ADORA2A: variants seen among roughly 807,000 people sequenced by gnomAD.
ADORA2A encodes the protein adenosine A2a receptor, also known as adenosine receptor A2a.
ADORA2A carries 11 observed loss-of-function variants against 18.4 expected under a neutral mutation model. The observed-to-expected ratio is 0.60, with a 90% confidence interval of 0.38 to 0.99. ADORA2A has a LOEUF of 0.99. ADORA2A is among the 50% of genes least tolerant of loss of function. The pLI, the probability that ADORA2A is intolerant of heterozygous loss-of-function variation, is 0.01. For synonymous variants in ADORA2A, 218 were observed against 237.3 expected (o/e 0.92, Z 0.75); for missense variants, 449 against 556.1 (o/e 0.81, Z 1.94).
In ADORA2A at chr22:24,433,249, G is replaced by A; in HGVS notation, c.-156G>A. Reference sequence around the variant, plus strand: ...GAAAAAGCCCTTGGAGAGCGCCCCAGCAGGGCTGCACTTGGCTCCTGTGAG... The same window carrying A: ...GAAAAAGCCCTTGGAGAGCGCCCCAACAGGGCTGCACTTGGCTCCTGTGAG... On this transcript the variant is annotated 5_prime_UTR_variant, in exon 2 of 3. Coordinates refer to ENST00000337539, the MANE Select transcript of ADORA2A (RefSeq NM_000675.6). 1 of 688,356 alleles carries A rather than the reference G, an allele frequency of 1.5e-6. No individual in the cohort carries two copies. The highest frequency in any genetic ancestry group is 1.9e-5 in the South Asian group (1 of 52,716). The allele number at this position is 688,356 out of a possible 1,614,324, so 42.6% of individuals were successfully genotyped here.
intron 2 of ADORA2A, among the ~76,000 whole-genome samples, chr22:24,440,184 C>T (rs1005635688): frequency 1.3e-5 from 2 of 152,160 alleles, no homozygotes; most frequent in African/African-American, 4.8e-5. Flanking sequence ...AAGGCTGCGA[C>T]CAACATGGAG....
upstream of ADORA2A, among the ~76,000 whole-genome samples, chr22:24,424,949 G>A (rs2042901428): frequency 6.6e-6 from 1 of 152,114 alleles, no homozygotes; most frequent in South Asian, 2.1e-4. This position sits in a 1 kb window ranked among gnomAD's most constrained non-coding sequence, Gnocchi z 4.9. Context: ...GGGAGTCGGG[G>A]CCCTGCAAAG....
Position 24,440,926 on chromosome 22 carries a change from CAGA to C in ADORA2A, c.679_681del (p.Lys227del). On this transcript the variant is annotated inframe_deletion, in exon 3 of 3. Coordinates refer to ENST00000337539, the MANE Select transcript of ADORA2A (RefSeq NM_000675.6). ...GGGGGAGCGGGCACGGTCCACACTG[CAGA>C]AGGAGGTCCATGCTGCCAAGTCACT... 6.2e-7 allele frequency: 1 copy of C among 1,614,186 alleles called. No homozygotes were observed. The highest frequency in any genetic ancestry group is 8.5e-7 in the Non-Finnish European group (1 of 1,180,050).
At chr22:24,428,810 C>A (rs766100187) in intron 1 of ADORA2A, among the ~76,000 whole-genome samples, 1 of 152,200 alleles carries the variant, frequency 6.6e-6, no homozygotes, top group Non-Finnish European at 1.5e-5. Context: ...CCAGGAATGT[C>A]CTGGGTCCTT....
chr22:24,431,289 G>A (rs559759302), intron 1 of ADORA2A: 1 of 456,882 alleles, frequency 2.2e-6, no homozygotes, highest in Admixed American at 2.3e-5. Flanking sequence ...CTGCTTCTGT[G>A]TCAATGCTCC....
intron 1 of ADORA2A, chr22:24,429,631 T>C (rs770626849): frequency 6.6e-6 from 1 of 152,202 alleles, no homozygotes; most frequent in South Asian, 2.1e-4. Context: ...GTGCTCTCTG[T>C]GCGCACGGCC....
rs2043344435 is a variant in ADORA2A at position 24,441,546 on chromosome 22, C to T, written c.*57C>T. The T allele has an allele frequency of 1.4e-6, 2 of 1,442,820 alleles. No individual in the cohort carries two copies. Among genetic ancestry groups the T allele is most frequent in the Non-Finnish European group, 9.1e-7 (1 of 1,095,804 alleles). 89.4% of individuals were successfully genotyped at this position (1,442,820 alleles called of 1,614,324 possible). A position where few individuals can be genotyped will look rare whatever the true frequency, so the allele number is the denominator to read the frequency against. On this transcript the variant is annotated 3_prime_UTR_variant, in exon 3 of 3. Transcript: ENST00000337539. ...AGGAGATCTTTATCTTTCTGGTTGG[C>T]TTGACCAGTCACGTTGGGAGAAGAG...
At chr22:24,429,426 A>T (rs1313897531) in intron 1 of ADORA2A, 1 of 152,248 alleles carries the variant, frequency 6.6e-6, no homozygotes, top group Non-Finnish European at 1.5e-5. Flanking sequence ...GAAGTATTAC[A>T]TTATTAATAT....
chr22:24,440,842 T>C lies in ADORA2A; in HGVS notation c.592T>C (p.Leu198=), dbSNP rs1409917906. 6 of 1,614,074 alleles carry C rather than the reference T, an allele frequency of 3.7e-6. No individual in the cohort carries two copies. The highest frequency in any genetic ancestry group is 2.2e-5 in the East Asian group (1 of 44,896). ...CCTGCTGCTCATGCTGGGTGTCTAT[T>C]TGCGGATCTTCCTGGCGGCGCGACG... is the stretch of plus-strand genomic sequence containing the variant. ...VPLLLMLGVY[L]RIFLAARRQL... The change falls in exon 3 of 3, where the codon TTG becomes CTG. Residue 198 remains leucine, a synonymous_variant. Coordinates refer to ENST00000337539, the MANE Select transcript of ADORA2A (RefSeq NM_000675.6).
rs200688325 is a variant in ADORA2A, at chr22:24,440,602, G to A, written c.352G>A (p.Gly118Ser). The A allele has an allele frequency of 9.0e-6, 14 of 1,563,896 alleles. No individual in the cohort carries two copies. Among genetic ancestry groups the A allele is most frequent in the Admixed American group, 1.8e-5 (1 of 55,440 alleles). ...IPLRYNGLVT[G>S]TRAKGIIAIC... ...CCCCAGGTACAATGGCTTGGTGACC[G>A]GCACGAGGGCTAAGGGCATCATTGC... The change falls in exon 3 of 3, where the codon GGC becomes AGC. Residue 118 changes from glycine to serine, a missense_variant. Coordinates refer to ENST00000337539, the MANE Select transcript of ADORA2A (RefSeq NM_000675.6).
At position 24,431,504 on chromosome 22, in the gene ADORA2A, G is replaced by A. The variant is rs2043035431; in HGVS notation, c.-274-1627G>A. ...AGGGGAGCCTGGCCCTTTGAACAGG[G>A]CTCAGGACCAGGAGTGACTTCCTCT... On this transcript the variant is annotated intron_variant, in intron 1 of 2. Transcript: ENST00000337539. 2 of 456,832 alleles carry A rather than the reference G, an allele frequency of 4.4e-6. 1 individual carries two copies. The highest frequency in any genetic ancestry group is 4.0e-5 in the African/African-American group (2 of 50,190). 28.3% of individuals were successfully genotyped at this position (456,832 alleles called of 1,614,324 possible). A position where few individuals can be genotyped will look rare whatever the true frequency, so the allele number is the denominator to read the frequency against.
At chr22:24,430,615 C>T (rs1156645543) in intron 1 of ADORA2A, among the ~76,000 whole-genome samples, 2 of 152,216 alleles carry the variant, frequency 1.3e-5, no homozygotes, top group African/African-American at 2.4e-5. Context: ...GAGGCAGGCG[C>T]CGATGATTTG....
At position 24,433,547 on chromosome 22, in the gene ADORA2A, T is replaced by C. The variant is rs1270949962; in HGVS notation, c.143T>C (p.Leu48Pro). 1.9e-6 allele frequency: 3 copies of C among 1,614,154 alleles called. No homozygotes were observed. Among genetic ancestry groups the C allele is most frequent in the Non-Finnish European group, 2.5e-6 (3 of 1,180,052 alleles). Residue 48 changes from leucine (L) to proline (P), a missense_variant, in exon 2 of 3, where the codon CTG becomes CCG. Transcript: ENST00000337539. ...GTCACCAACTACTTTGTGGTGTCAC[T>C]GGCGGCGGCCGACATCGCAGTGGGT... ...QNVTNYFVVS[L>P]AAADIAVGVL...
chr22:24,436,215 C>T (rs944537727), intron 2 of ADORA2A, among the ~76,000 whole-genome samples: 7 of 152,144 alleles, frequency 4.6e-5, no homozygotes, highest in Non-Finnish European at 7.3e-5. Context: ...CGAGAGCAAG[C>T]GGGGTATGAA....
chr22:24,441,186 A>G lies in ADORA2A; in HGVS notation c.936A>G (p.Glu312=), dbSNP rs1354725261. ...GCAGCCACGTCCTGAGGCAGCAAGA[A>G]CCTTTCAAGGCAGCTGGCACCAGTG... The part of the protein sequence containing the change: ...IIRSHVLRQQ[E]PFKAAGTSAR... The change falls in exon 3 of 3, where the codon GAA becomes GAG. Residue 312 remains glutamate (E), a synonymous_variant. Transcript: ENST00000337539. 1 of 1,613,932 alleles carries G rather than the reference A, an allele frequency of 6.2e-7. No homozygotes were observed. The highest frequency in any genetic ancestry group is 8.5e-7 in the Non-Finnish European group (1 of 1,180,020).
At chr22:24,425,215 G>A (rs888778146), upstream of ADORA2A, among the ~76,000 whole-genome samples, 2 of 152,096 alleles carry the variant, frequency 1.3e-5, no homozygotes, top group African/African-American at 4.8e-5. Flanking sequence ...CATGGTGGAG[G>A]GTTCTGTGGA....
upstream of ADORA2A, among the ~76,000 whole-genome samples, chr22:24,425,287 G>A (rs1333295137): frequency 1.3e-5 from 2 of 149,310 alleles, no homozygotes; most frequent in African/African-American, 5.0e-5. Context: ...TGCTTTGGCC[G>A]TTCCTGGAGG....
chr22:24,431,210 G>C lies in ADORA2A; in HGVS notation c.-274-1921G>C, dbSNP rs878918820. On this transcript the variant is annotated intron_variant, in intron 1 of 2. Transcript: ENST00000337539. ...GGAAAGCAGGGGCTTGGGAGGACTC[G>C]GCCCTCTCCAGCTGCTGCAGGCCCT... 1.1e-5 allele frequency: 5 copies of C among 456,748 alleles called. No individual in the cohort carries two copies. In the Admixed American group the frequency reaches 1.2e-4, roughly 11 times the overall value. 28.3% of individuals were successfully genotyped at this position (456,748 alleles called of 1,614,324 possible).
At chr22:24,424,127 C>T (rs998821679), upstream of ADORA2A, among the ~76,000 whole-genome samples, 2 of 151,948 alleles carry the variant, frequency 1.3e-5, no homozygotes, top group Non-Finnish European at 1.5e-5. The surrounding 1 kb of genome is among the most constrained non-coding windows in gnomAD (Gnocchi z 4.9). Flanking sequence ...TTTCCCGCCG[C>T]CCCGAGACCA....
Sources: gnomAD v4.1 joint callset for allele counts (sites outside exome capture counted in the v4.1 genomes callset) on GRCh38, gnomAD v4.1.1 for gene constraint, Gnocchi (gnomAD v3.1) non-coding constraint, MANE v1.5 for transcripts, NCBI Gene and HGNC (gene_info 2026-07-23, HGNC 2026-07-21) for gene names.